The following RIPOR2 variants were observed in gnomAD, a reference collection of about 807,000 sequenced individuals.
The protein encoded by RIPOR2 is rho family-interacting cell polarization regulator 2.
RIPOR2 carries 39 observed loss-of-function variants against 114.5 expected under a neutral mutation model. That is an observed-to-expected ratio of 0.34 (90% CI 0.26 to 0.44). RIPOR2 has a LOEUF of 0.44. Among genes scored for constraint, RIPOR2 ranks in the 20% least tolerant of loss-of-function variants. The pLI is 1.00. For missense variants in RIPOR2, 1,007 were observed against 1,255.1 expected (o/e 0.80, Z 2.99); for synonymous variants, 445 against 484.4 (o/e 0.92, Z 1.07).
intron 1 of RIPOR2, among the ~76,000 whole-genome samples, chr6:25,030,472 TGGTGATTA>T (rs1390377236): frequency 6.6e-6 from 1 of 152,174 alleles, no homozygotes; most frequent in Non-Finnish European, 1.5e-5. Flanking sequence ...TCATGCTTTT[TGGTGATTA>T]GAGTTCTTAC....
At chr6:24,968,401 G>T (rs911822969) in intron 1 of RIPOR2, among the ~76,000 whole-genome samples, 17 of 152,112 alleles carry the variant, frequency 1.1e-4, no homozygotes, top group African/African-American at 3.9e-4. Flanking sequence ...ACTCCTGCTG[G>T]TGTCACTCCC....
In RIPOR2 at chr6:25,021,566, C is replaced by T. The variant is rs147755000; in HGVS notation, c.76+20285G>A. Among the ~76,000 whole-genome samples the T allele has an allele frequency of 4.0e-3, 610 of 152,244 alleles. 1 individual carries two copies. Among genetic ancestry groups the T allele is most frequent in the African/African-American group, 0.014 (575 of 41,510 alleles). ...GAAAACCAAACATTGTATGTTCTCA[C>T]TCATAAGTGGGAGCTAAGCTATGAG... On this transcript the variant is annotated intron_variant, in intron 1 of 13. Transcript: ENST00000510784.
intron 8 of RIPOR2, among the ~76,000 whole-genome samples, chr6:24,854,124 G>GAAAAAAAAAAAAAAAA (rs56203816): frequency 2.3e-5 from 2 of 86,438 alleles, no homozygotes. Flanking sequence ...GTCTGAAAAA[G>GAAAAAAAAAAAAAAAA]AAAAAAAAAA....
intron 20 of RIPOR2, among the ~76,000 whole-genome samples, chr6:24,810,573 T>G (rs1345905471): frequency 6.6e-6 from 1 of 152,176 alleles, no homozygotes; most frequent in African/African-American, 2.4e-5. Context: ...AAACCAGACA[T>G]GGTTCTGGTC....
At chr6:24,994,498 G>A (rs551441469) in intron 1 of RIPOR2, among the ~76,000 whole-genome samples, 2 of 152,254 alleles carry the variant, frequency 1.3e-5, no homozygotes, top group Admixed American at 1.3e-4. Flanking sequence ...AAGCATTTCC[G>A]ATCTGTTGTA....
chr6:25,021,220 A>G (rs1475796792), intron 1 of RIPOR2, among the ~76,000 whole-genome samples: 1 of 152,138 alleles, frequency 6.6e-6, no homozygotes, highest in Non-Finnish European at 1.5e-5. Flanking sequence ...TTTATTGATG[A>G]TAGAACTGAG....
Position 24,822,676 on chromosome 6 carries a change from G to A in RIPOR2, c.2868+2550C>T, listed in dbSNP as rs1042720234. 2.6e-5 allele frequency among the ~76,000 whole-genome samples: 4 copies of A among 152,108 alleles called. No homozygotes were observed. The South Asian group carries it at 8.3e-4, about 32-fold the overall frequency. ...TGGGACTACAGGTGCCCACCACCAC[G>A]CCCAGCTAATTTTTTGTATTTTTAG... On this transcript the variant is annotated intron_variant, in intron 19 of 21. Transcript: ENST00000643898.
rs566787536 is a variant in RIPOR2 at position 24,860,850 on chromosome 6, T to A, written c.715+123A>T. 1.4e-5 allele frequency: 9 copies of A among 624,716 alleles called. 1 individual carries two copies. The highest frequency in any genetic ancestry group is 1.2e-4 in the South Asian group (6 of 48,990). The allele number at this position is 624,716 out of a possible 1,614,324, so 38.7% of individuals were successfully genotyped here. On this transcript the variant is annotated intron_variant, in intron 8 of 21. Coordinates refer to ENST00000643898, the MANE Select transcript of RIPOR2 (RefSeq NM_001286445.3). ...AGTAAACTATCAAAAGTGGGGTGGG[T>A]TGAGAGTGGGTGGCGCTGCGTCTTT...
At chr6:25,040,279 C>T (rs1777410354) in intron 1 of RIPOR2, among the ~76,000 whole-genome samples, 1 of 152,092 alleles carries the variant, frequency 6.6e-6, no homozygotes, top group Non-Finnish European at 1.5e-5. Flanking sequence ...CCACGCCTGG[C>T]TAATTTTTGT....
At chr6:25,006,645 C>T (rs943696780) in intron 1 of RIPOR2, among the ~76,000 whole-genome samples, 3 of 152,138 alleles carry the variant, frequency 2.0e-5, no homozygotes, top group Non-Finnish European at 4.4e-5. Flanking sequence ...TGGGAGGTGG[C>T]TCTGTGGAGT....
chr6:24,893,202 A>G (rs1767542491), intron 1 of RIPOR2, among the ~76,000 whole-genome samples: 1 of 152,192 alleles, frequency 6.6e-6, no homozygotes, highest in South Asian at 2.1e-4. Flanking sequence ...TGGGTGATGG[A>G]TATTCAGGAA....
At chr6:25,014,328 C>T (rs1775885494) in intron 1 of RIPOR2, among the ~76,000 whole-genome samples, 1 of 152,186 alleles carries the variant, frequency 6.6e-6, no homozygotes, top group African/African-American at 2.4e-5. Flanking sequence ...ACTACAATCA[C>T]CTTGAAATAT....
chr6:24,959,686 T>C (rs1773213790), intron 1 of RIPOR2, among the ~76,000 whole-genome samples: 2 of 152,192 alleles, frequency 1.3e-5, no homozygotes, highest in African/African-American at 4.8e-5. Flanking sequence ...ACTAACTGCT[T>C]GGTAAATTTT....
intron 1 of RIPOR2, among the ~76,000 whole-genome samples, chr6:24,881,618 C>G (rs928408725): frequency 1.3e-5 from 2 of 152,246 alleles, no homozygotes; most frequent in African/African-American, 4.8e-5. Context: ...TGCCTTTTCT[C>G]TGACTATGCA....
chr6:24,903,137 C>T lies in RIPOR2; in HGVS notation c.62-27320G>A, dbSNP rs1376827269. 3.9e-5 allele frequency among the ~76,000 whole-genome samples: 6 copies of T among 152,168 alleles called. No homozygotes were observed. The East Asian group carries it at 7.7e-4, about 20-fold the overall frequency. On this transcript the variant is annotated intron_variant, in intron 1 of 21. Transcript: ENST00000643898. ...CTGGGGGCTGGCCAGGCATCTTTCT[C>T]TTTCTTATCATCTCAGGTCTCTCTA...
intron 1 of RIPOR2, among the ~76,000 whole-genome samples, chr6:24,885,667 C>T (rs768968147): frequency 3.9e-5 from 6 of 152,156 alleles, no homozygotes; most frequent in Admixed American, 6.5e-5. Flanking sequence ...ATTTAACTTC[C>T]CTGAATCCCA....
At chr6:24,959,316 C>A (rs1773194171) in intron 1 of RIPOR2, among the ~76,000 whole-genome samples, 1 of 152,132 alleles carries the variant, frequency 6.6e-6, no homozygotes, top group South Asian at 2.1e-4. Context: ...TAACTGGTAG[C>A]CTTGGAGTTA....
chr6:24,948,910 G>A (rs1307463028), intron 1 of RIPOR2, among the ~76,000 whole-genome samples: 1 of 152,074 alleles, frequency 6.6e-6, no homozygotes. Context: ...ACGACCAATG[G>A]GTCAAGCTTC....
chr6:25,036,474 C>A (rs544714089), intron 1 of RIPOR2, among the ~76,000 whole-genome samples: 53 of 152,226 alleles, frequency 3.5e-4, no homozygotes, highest in Admixed American at 1.5e-3. Flanking sequence ...TCAGTGTAAC[C>A]TCCAGTTCCT....
Sources: gnomAD v4.1 joint callset for allele counts (sites outside exome capture counted in the v4.1 genomes callset) on GRCh38, gnomAD v4.1.1 for gene constraint, MANE v1.5 for transcripts, NCBI Gene and HGNC (gene_info 2026-07-23, HGNC 2026-07-21) for gene names.